Variants in NAGA observed in about 807,000 individuals in gnomAD.
NAGA encodes the protein alpha-N-acetylgalactosaminidase, also known as Acetylgalactosaminidase, alpha-N- (alpha-galactosidase B).
Under a neutral mutation model 45.6 loss-of-function variants are expected in NAGA, and 42 were observed. The ratio of observed to expected loss-of-function variants is 0.92; its 90% CI spans 0.72 to 1.19. The LOEUF is 1.19. NAGA is among the 50% of genes most tolerant of loss of function. The probability of loss-of-function intolerance (pLI) is 0.00; values close to 1 mark genes in which losing one functional copy is unlikely to be tolerated. For synonymous variants in NAGA, 176 were observed against 203.1 expected (o/e 0.87, Z 1.13); for missense variants, 493 against 544.8 (o/e 0.90, Z 0.95).
chr22:42,060,526 C>T (rs569798195), intron 8 of NAGA, 113 bp from the exon 9 acceptor site: 18 of 1,442,176 alleles, frequency 1.2e-5, no homozygotes, highest in Admixed American at 8.5e-5. Context: ...CTGTGCTGGG[C>T]TTCCAGTATG....
In NAGA at chr22:42,060,290, A is replaced by T. The variant is rs1569456853; in HGVS notation, c.1225T>A (p.Ser409Thr). 1.2e-6 allele frequency: 2 copies of T among 1,613,304 alleles called. No individual in the cohort carries two copies. Among genetic ancestry groups the T allele is most frequent in the Non-Finnish European group, 1.7e-6 (2 of 1,179,942 alleles). ...CATGTCCCAGCTCCTCACTGCTGGGACATCTCCAGGTTCTTGATGGGATAC... is the reference window on the plus strand; with the variant it reads ...CATGTCCCAGCTCCTCACTGCTGGGTCATCTCCAGGTTCTTGATGGGATAC... ...YLYPIKNLEM[S>T]QQ Residue 409 changes from serine to threonine, a missense_variant, in exon 9 of 9, where the codon TCC becomes ACC. Ser to Thr is a moderately conservative substitution (Grantham distance 58, BLOSUM62 1). Transcript: ENST00000396398.
Position 42,061,014 on chromosome 22 carries a change from G to C in NAGA, c.1011C>G (p.Ala337=). Residue 337 remains alanine (A), a synonymous_variant, in exon 8 of 9, where the codon GCC becomes GCG. Transcript: ENST00000396398. ...YMRPLSNKAS[A]LVFFSCRTDM... ...CGGTCCTGCAGCTGAAGAAGACTAA[G>C]GCGCTAGCCTTGTTGGACAGAGGCC... is the stretch of plus-strand genomic sequence containing the variant. 1 of 1,614,240 alleles carries C rather than the reference G, an allele frequency of 6.2e-7. No homozygotes were observed. Among genetic ancestry groups the C allele is most frequent in the Non-Finnish European group, 8.5e-7 (1 of 1,180,042 alleles).
chr22:42,070,499 G>T lies in NAGA; in HGVS notation c.-202C>A. ...CCCCATCCCCAGCCATCACTTCCCG[G>T]AGCTTCAGTTCTTCCTTCAGAAATA... On this transcript the variant is annotated 5_prime_UTR_variant, in exon 1 of 9. Transcript: ENST00000396398. 1 of 675,554 alleles carries T rather than the reference G, an allele frequency of 1.5e-6. No individual in the cohort carries two copies. The highest frequency in any genetic ancestry group is 1.6e-5 in the South Asian group (1 of 63,654). The allele number at this position is 675,554 out of a possible 1,614,324, so 41.8% of individuals were successfully genotyped here.
intron 7 of NAGA, among the ~76,000 whole-genome samples, chr22:42,061,382 G>A (rs577529051): frequency 3.7e-4 from 57 of 152,350 alleles, no homozygotes; most frequent in Admixed American, 1.0e-3. Context: ...ACAGGGAAGC[G>A]CAACAACAGT....
chr22:42,067,252 G>T lies in NAGA; in HGVS notation c.363C>A (p.Asp121Glu). Residue 121 changes from aspartate (D) to glutamate (E), a missense_variant, in exon 4 of 9, where the codon GAC (aspartate) becomes GAA (glutamate). Transcript: ENST00000396398. ...AACCCATGCAGGTGAAGTTGCCCAT[G>T]TCCGCGTAGATACCCAACTTCAGGC... is the stretch of plus-strand genomic sequence containing the variant. ...SLGLKLGIYADMGNFTCMGYP... is the reference protein window; with the variant it reads ...SLGLKLGIYAEMGNFTCMGYP... The T allele has an allele frequency of 6.2e-7, 1 of 1,614,176 alleles. No individual in the cohort carries two copies. The highest frequency in any genetic ancestry group is 1.3e-5 in the African/African-American group (1 of 75,048).
rs1926991349 is a variant in NAGA at position 42,070,549 on chromosome 22, GACCTCACACC to G, written c.-262_-253del. 1 of 625,558 alleles carries G rather than the reference GACCTCACACC, an allele frequency of 1.6e-6. No homozygotes were observed. Among genetic ancestry groups the G allele is most frequent in the Non-Finnish European group, 2.9e-6 (1 of 342,890 alleles). 38.8% of individuals were successfully genotyped at this position (625,558 alleles called of 1,614,324 possible). A position where few individuals can be genotyped will look rare whatever the true frequency, so the allele number is the denominator to read the frequency against. ...ACGAAACAACGTGTCTTGGATGTCA[GACCTCACACC>G]CTCTGCAGTGCTGGGAGTCCCGAGG... On this transcript the variant is annotated 5_prime_UTR_variant, in exon 1 of 9. Transcript: ENST00000396398.
At position 42,060,246 on chromosome 22, in the gene NAGA, G is replaced by A. The variant is rs1926281948; in HGVS notation, c.*33C>T. The A allele has an allele frequency of 1.9e-6, 3 of 1,611,688 alleles. No individual in the cohort carries two copies. The highest frequency in any genetic ancestry group is 2.5e-6 in the Non-Finnish European group (3 of 1,179,934). On this transcript the variant is annotated 3_prime_UTR_variant, in exon 9 of 9. Transcript: ENST00000396398. ...AAGGCTCCATGGTCTAGGCTCAGTG[G>A]TGCCACCACAGCCTGTCACATGTCC... is the stretch of plus-strand genomic sequence containing the variant.
rs749612795 is a variant in NAGA at position 42,067,927 on chromosome 22, G to C, written c.162C>G (p.Leu54=). The C allele has an allele frequency of 6.2e-7, 1 of 1,613,574 alleles. No homozygotes were observed. Among genetic ancestry groups the C allele is most frequent in the Non-Finnish European group, 8.5e-7 (1 of 1,179,970 alleles). ...CCATCCGGTCAGCCATCTCCATGAA[G>C]AGCTGTTCACTAGTGAGGGGCAGAG... ...EDPKNCISEQ[L]FMEMADRMAQ... Residue 54 remains leucine, a synonymous_variant, in exon 3 of 9, where the codon CTC becomes CTG. Coordinates refer to ENST00000396398, the MANE Select transcript of NAGA (RefSeq NM_000262.3).
intron 1 of NAGA, among the ~76,000 whole-genome samples, 197 bp downstream of exon 1, chr22:42,070,085 G>C (rs956089339): frequency 2.6e-5 from 4 of 152,238 alleles, no homozygotes; most frequent in Admixed American, 2.6e-4. Flanking sequence ...TTGAGGGAGA[G>C]GAAGTGAGAA....
intron 1 of NAGA, 133 bp downstream of exon 1, chr22:42,070,149 C>T: frequency 2.8e-6 from 3 of 1,059,712 alleles, no homozygotes; most frequent in Non-Finnish European, 4.4e-6. Context: ...GCATCTCCTC[C>T]CTTCCTGCCC....
At chr22:42,060,685 C>T (rs577572317) in intron 8 of NAGA, among the ~76,000 whole-genome samples, 2 of 152,232 alleles carry the variant, frequency 1.3e-5, no homozygotes, top group East Asian at 1.9e-4. Context: ...GGAGTACAGC[C>T]GTAGAGGCTA....
At position 42,065,771 on chromosome 22, in the gene NAGA, C is replaced by T; in HGVS notation, c.726G>A (p.Val242=). Residue 242 remains valine (V), a synonymous_variant, in exon 6 of 9, where the codon GTG becomes GTA. Transcript: ENST00000396398. The part of the protein sequence containing the change: ...FVEHQDILQP[V]AGPGHWNDPD... ...GGTCATTCCAGTGCCCAGGGCCGGC[C>T]ACTGGCTGCAGTATGTCCTGGTGCT... 1 of 1,614,126 alleles carries T rather than the reference C, an allele frequency of 6.2e-7. No individual in the cohort carries two copies. The highest frequency in any genetic ancestry group is 8.5e-7 in the Non-Finnish European group (1 of 1,180,040).
Position 42,070,659 on chromosome 22 carries a change from G to C in NAGA, c.-362C>G. On this transcript the variant is annotated 5_prime_UTR_variant, in exon 1 of 9. Coordinates refer to ENST00000396398, the MANE Select transcript of NAGA (RefSeq NM_000262.3). ...TGGCTTAAGGTCACCAAGAAAGAGC[G>C]GAGGGGCGGGGCTGCGGCCAGGCTC... 1 of 374,930 alleles carries C rather than the reference G, an allele frequency of 2.7e-6. No individual in the cohort carries two copies. The highest frequency in any genetic ancestry group is 5.0e-6 in the Non-Finnish European group (1 of 198,348). The allele number at this position is 374,930 out of a possible 1,614,324, so 23.2% of individuals were successfully genotyped here.
Position 42,061,090 on chromosome 22 carries a change from G to A in NAGA, c.958-23C>T, listed in dbSNP as rs1484766938. 1.9e-6 allele frequency: 3 copies of A among 1,613,084 alleles called. No individual in the cohort carries two copies. The Admixed American group carries it at 5.0e-5, about 27-fold the overall frequency. On this transcript the variant is annotated intron_variant, in intron 7 of 8. Transcript: ENST00000396398. The stretch of plus-strand genomic sequence containing the variant: ...TTCCTGGGCACAGAAGGTGGCTACT[G>A]GCTGGGGTCCCTTGCTCAGACAGGA...
intron 6 of NAGA, among the ~76,000 whole-genome samples, chr22:42,064,395 C>T (rs1926593723): frequency 6.8e-6 from 1 of 148,034 alleles, no homozygotes; most frequent in Admixed American, 6.8e-5. Context: ...AATCCCAGCA[C>T]TTTGGGAGGC....
intron 1 of NAGA, among the ~76,000 whole-genome samples, chr22:42,069,619 CAAAA>C (rs60526991): frequency 1.1e-5 from 1 of 93,930 alleles, no homozygotes; most frequent in Non-Finnish European, 2.1e-5. Flanking sequence ...GACTCCGTCT[CAAAA>C]AAAAAAAAAA....
chr22:42,068,269 CCAGACAGGTCATGGGGCTAGGTGT>C (rs985249593), intron 2 of NAGA, among the ~76,000 whole-genome samples, 146 bp downstream of exon 2: 1 of 152,100 alleles, frequency 6.6e-6, no homozygotes, highest in Non-Finnish European at 1.5e-5. Context: ...TGCAGAGGCT[CCAGACAGGTCATGGGGCTAGGTGT>C]CAGACAGTCC....
In NAGA at chr22:42,067,802, T is replaced by C. The variant is rs1487836622; in HGVS notation, c.287A>G (p.Lys96Arg). 1.9e-6 allele frequency: 3 copies of C among 1,612,622 alleles called. No individual in the cohort carries two copies. The highest frequency in any genetic ancestry group is 2.5e-6 in the Non-Finnish European group (3 of 1,179,994). The change falls in exon 3 of 9, where the codon AAG becomes AGG. Residue 96 changes from lysine to arginine, a missense_variant. By Grantham distance (26) the Lys-to-Arg change is conservative. Coordinates refer to ENST00000396398, the MANE Select transcript of NAGA (RefSeq NM_000262.3). ...DASGRLMPDPKRFPHGIPFLA... is the reference protein window; with the variant it reads ...DASGRLMPDPRRFPHGIPFLA... ...GAAAGGAATGCCATGAGGGAAGCGCTTGGGATCCGGCATCAGGCGGCCACT... is the reference window on the plus strand; with the variant it reads ...GAAAGGAATGCCATGAGGGAAGCGCCTGGGATCCGGCATCAGGCGGCCACT...
In NAGA at chr22:42,058,689, C is replaced by G. The variant is rs896265208; in HGVS notation, c.*1590G>C. ...CTGAAAGGTAAGGGAATTAATTGGT[C>G]AAGTCCAGGCTCAACTCTGGCCCCC... On this transcript the variant is annotated 3_prime_UTR_variant, in exon 9 of 9. Coordinates refer to ENST00000396398, the MANE Select transcript of NAGA (RefSeq NM_000262.3). The G allele has an allele frequency of 2.0e-5, 3 of 152,228 alleles. No individual in the cohort carries two copies. The highest frequency in any genetic ancestry group is 7.2e-5 in the African/African-American group (3 of 41,442). 9.4% of individuals were successfully genotyped at this position (152,228 alleles called of 1,614,324 possible).
Sources: allele counts gnomAD v4.1 joint callset (sites outside exome capture counted in the v4.1 genomes callset), GRCh38; gene constraint gnomAD v4.1.1; transcripts MANE v1.5; gene names NCBI Gene and HGNC (gene_info 2026-07-23, HGNC 2026-07-21).